Variants in BAG5 observed in about 807,000 individuals in gnomAD.
BAG5 encodes BAG family molecular chaperone regulator 5.
BAG5 carries 25 observed loss-of-function variants against 31.8 expected under a neutral mutation model. The ratio of observed to expected loss-of-function variants is 0.79; its 90% CI spans 0.57 to 1.10. The LOEUF is 1.10. Among genes scored for constraint, BAG5 ranks in the 50% least tolerant of loss-of-function variants. The probability of loss-of-function intolerance (pLI) is 0.00; values close to 1 mark genes in which losing one functional copy is unlikely to be tolerated. For missense variants in BAG5, 491 were observed against 527.9 expected, an observed-to-expected ratio of 0.93 and a Z score of 0.68; for synonymous variants, 208 against 205.0, an observed-to-expected ratio of 1.01 and a Z score of -0.13.
In BAG5 at chr14:103,558,865, T is replaced by G. The variant is rs1404626750; in HGVS notation, c.*956A>C. 1 of 152,220 alleles carries G rather than the reference T, an allele frequency of 6.6e-6. No individual in the cohort carries two copies. The highest frequency in any genetic ancestry group is 2.4e-5 in the African/African-American group (1 of 41,444). 9.4% of individuals were successfully genotyped at this position (152,220 alleles called of 1,614,324 possible). ...GCACCGGGGAGGTGTGACAAGGCTG[T>G]CCATTTTACAGCCTTGGACAACAGA... On this transcript the variant is annotated 3_prime_UTR_variant, in exon 2 of 2. Transcript: ENST00000299204.
intron 1 of BAG5, among the ~76,000 whole-genome samples, chr14:103,561,420 G>T (rs561324521): frequency 6.6e-6 from 1 of 152,054 alleles, no homozygotes; most frequent in African/African-American, 2.4e-5. Context: ...GGTCTCAGAC[G>T]ATCCGCCCGC....
rs1023256944 is a variant in BAG5 at position 103,559,497 on chromosome 14, A to C, written c.*324T>G. On this transcript the variant is annotated 3_prime_UTR_variant, in exon 2 of 2. Transcript: ENST00000299204. ...GTTATGCCTAGTTCTAGATTCTGAA[A>C]GACCTGCATTTTAATGCTTGCACAA... 3 of 244,144 alleles carry C rather than the reference A, an allele frequency of 1.2e-5. No homozygotes were observed. The highest frequency in any genetic ancestry group is 2.4e-5 in the Non-Finnish European group (3 of 124,692). 15.1% of individuals were successfully genotyped at this position (244,144 alleles called of 1,614,324 possible).
rs1024316108 is a variant in BAG5 at position 103,558,483 on chromosome 14, T to A, written c.*1338A>T. On this transcript the variant is annotated 3_prime_UTR_variant, in exon 2 of 2. Coordinates refer to ENST00000299204, the MANE Select transcript of BAG5 (RefSeq NM_001015048.3). ...CCGGGGGAGGAGTCTGTTATAACAC[T>A]CGGACCCACATGTTCTCAAGGCACT... 6.6e-6 allele frequency: 1 copy of A among 152,224 alleles called. No homozygotes were observed. Among genetic ancestry groups the A allele is most frequent in the African/African-American group, 2.4e-5 (1 of 41,454 alleles). 9.4% of individuals were successfully genotyped at this position (152,224 alleles called of 1,614,324 possible).
At position 103,560,985 on chromosome 14, in the gene BAG5, T is replaced by C. The variant is rs1566973245; in HGVS notation, c.180A>G (p.Gly60=). Residue 60 remains glycine (G), a synonymous_variant, in exon 2 of 2, where the codon GGA becomes GGG. Transcript: ENST00000299204. Reference sequence around the variant, plus strand: ...TCCTAGCTTGCTGAATATCTCCTTTTCCTTCAGTATCTACAGAGTCTATTT... The same window carrying C: ...TCCTAGCTTGCTGAATATCTCCTTTCCCTTCAGTATCTACAGAGTCTATTT... ...LFEIDSVDTE[G]KGDIQQARKR... is the part of the protein sequence containing the mutation. 9 of 1,614,192 alleles carry C rather than the reference T, an allele frequency of 5.6e-6. No homozygotes were observed. The highest frequency in any genetic ancestry group is 7.6e-6 in the Non-Finnish European group (9 of 1,180,048).
chr14:103,560,632 T>C lies in BAG5; in HGVS notation c.533A>G (p.Asp178Gly). ...GATTTTGGCAACGGAAGGATGTGCA[T>C]CCTCGGAAAGCGGCAGGGAAGGCTG... ...KKQPSLPLSE[D>G]AHPSVAKINF... The change falls in exon 2 of 2, where the codon GAT becomes GGT. Residue 178 changes from aspartate to glycine, a missense_variant. Transcript: ENST00000299204. 1 of 1,614,208 alleles carries C rather than the reference T, an allele frequency of 6.2e-7. No homozygotes were observed. Among genetic ancestry groups the C allele is most frequent in the Non-Finnish European group, 8.5e-7 (1 of 1,180,048 alleles).
chr14:103,557,070 T>C lies in BAG5; in HGVS notation c.*2751A>G, dbSNP rs1447624879. On this transcript the variant is annotated 3_prime_UTR_variant, in exon 2 of 2. Transcript: ENST00000299204. The stretch of plus-strand genomic sequence containing the variant: ...TGATCTGAAAGCAACGCTGACTGAA[T>C]GTAAATAAAGCAAACGTTCCCAGCC... 2 of 152,374 alleles carry C rather than the reference T, an allele frequency of 1.3e-5. No individual in the cohort carries two copies. Among genetic ancestry groups the C allele is most frequent in the East Asian group, 3.8e-4 (2 of 5,196 alleles). The allele number at this position is 152,374 out of a possible 1,614,324, so 9.4% of individuals were successfully genotyped here. A position where few individuals can be genotyped will look rare whatever the true frequency, so the allele number is the denominator to read the frequency against.
In BAG5 at chr14:103,560,781, T is replaced by C. The variant is rs749789273; in HGVS notation, c.384A>G (p.Gln128=). ...CVTDEFEEGI[Q]DIILRLTHVK... is the part of the protein sequence containing the mutation. The stretch of plus-strand genomic sequence containing the variant: ...CATGTGTCAGCCTCAGAATGATATC[T>C]TGGATGCCTTCTTCAAACTCATCAG... The change falls in exon 2 of 2, where the codon CAA becomes CAG. Residue 128 remains glutamine, a synonymous_variant. Coordinates refer to ENST00000299204, the MANE Select transcript of BAG5 (RefSeq NM_001015048.3). The C allele has an allele frequency of 2.5e-6, 4 of 1,614,142 alleles. No individual in the cohort carries two copies. Among genetic ancestry groups the C allele is most frequent in the Admixed American group, 3.3e-5 (2 of 59,978 alleles).
chr14:103,559,526 A>G lies in BAG5; in HGVS notation c.*295T>C. 3.2e-6 allele frequency: 1 copy of G among 312,244 alleles called. No individual in the cohort carries two copies. The highest frequency in any genetic ancestry group is 4.7e-5 in the Admixed American group (1 of 21,472). The allele number at this position is 312,244 out of a possible 1,614,324, so 19.3% of individuals were successfully genotyped here. On this transcript the variant is annotated 3_prime_UTR_variant, in exon 2 of 2. Transcript: ENST00000299204. Reference sequence around the variant, plus strand: ...CTGCATTTTAATGCTTGCACAACCCATTTAAAATCTACAAAAGCTGCCTCT... The same window carrying G: ...CTGCATTTTAATGCTTGCACAACCCGTTTAAAATCTACAAAAGCTGCCTCT...
rs1162565814 is a variant in BAG5 at position 103,559,818 on chromosome 14, A to G, written c.*3T>C. 1 of 1,609,338 alleles carries G rather than the reference A, an allele frequency of 6.2e-7. No homozygotes were observed. The highest frequency in any genetic ancestry group is 8.5e-7 in the Non-Finnish European group (1 of 1,176,742). On this transcript the variant is annotated 3_prime_UTR_variant, in exon 2 of 2. Coordinates refer to ENST00000299204, the MANE Select transcript of BAG5 (RefSeq NM_001015048.3). ...CAGTATCAAAAGTGAGATCTCTGGTATTTCAGTACTCCCATTCATCAGATT... is the reference window on the plus strand; with the variant it reads ...CAGTATCAAAAGTGAGATCTCTGGTGTTTCAGTACTCCCATTCATCAGATT...
At position 103,559,799 on chromosome 14, in the gene BAG5, CA is replaced by C; in HGVS notation, c.*21del. 6.2e-7 allele frequency: 1 copy of C among 1,604,246 alleles called. No homozygotes were observed. The highest frequency in any genetic ancestry group is 8.5e-7 in the Non-Finnish European group (1 of 1,174,652). On this transcript the variant is annotated 3_prime_UTR_variant, in exon 2 of 2. Coordinates refer to ENST00000299204, the MANE Select transcript of BAG5 (RefSeq NM_001015048.3). The stretch of plus-strand genomic sequence containing the variant: ...GCACATATGAAGTGCAAAACAGTAT[CA>C]AAAGTGAGATCTCTGGTATTTCAGT...
Position 103,559,379 on chromosome 14 carries a change from A to C in BAG5, c.*442T>G, listed in dbSNP as rs1427374411. Reference sequence around the variant, plus strand: ...GAAAAAAAAGCCTTCTATCGAGCATAATGAAACAGAACATGTACTGCTTGT... The same window carrying C: ...GAAAAAAAAGCCTTCTATCGAGCATCATGAAACAGAACATGTACTGCTTGT... On this transcript the variant is annotated 3_prime_UTR_variant, in exon 2 of 2. Transcript: ENST00000299204. The C allele has an allele frequency of 1.3e-5, 2 of 159,166 alleles. No individual in the cohort carries two copies. The highest frequency in any genetic ancestry group is 3.6e-4 in the East Asian group (2 of 5,500). The allele number at this position is 159,166 out of a possible 1,614,324, so 9.9% of individuals were successfully genotyped here.
At chr14:103,561,935 G>A (rs1054859160) in intron 1 of BAG5, 2 of 1,612,794 alleles carry the variant, frequency 1.2e-6, no homozygotes, top group African/African-American at 1.3e-5. Flanking sequence ...GTCCACAATG[G>A]CCTAATGCAC....
At position 103,556,930 on chromosome 14, in the gene BAG5, T is replaced by C. The variant is rs2076042365; in HGVS notation, c.*2891A>G. 1 of 152,238 alleles carries C rather than the reference T, an allele frequency of 6.6e-6. No homozygotes were observed. The highest frequency in any genetic ancestry group is 2.1e-4 in the South Asian group (1 of 4,838). The allele number at this position is 152,238 out of a possible 1,614,324, so 9.4% of individuals were successfully genotyped here. A position where few individuals can be genotyped will look rare whatever the true frequency, so the allele number is the denominator to read the frequency against. On this transcript the variant is annotated 3_prime_UTR_variant, in exon 2 of 2. Transcript: ENST00000299204. ...TTCTCAAACTAAATTATATCAAATA[T>C]ATGTGCATTTTAGCAAAATAAACCA...
At chr14:103,561,886 G>GT in intron 1 of BAG5, 1 of 1,535,040 alleles carries the variant, frequency 6.5e-7, no homozygotes. Context: ...CGAAAACGTG[G>GT]TAACTATGAA....
chr14:103,562,109 G>T (rs530175226), intron 1 of BAG5: 2 of 799,370 alleles, frequency 2.5e-6, no homozygotes, highest in Non-Finnish European at 4.4e-6. Context: ...CCCAAAAGAA[G>T]TCTGAATTGG....
At chr14:103,562,040 G>A (rs1161545314) in intron 1 of BAG5, 22 of 1,499,346 alleles carry the variant, frequency 1.5e-5, no homozygotes, top group Non-Finnish European at 2.0e-5. Flanking sequence ...TGGAGGCCAC[G>A]GAGGGAAGGC....
rs957894521 is a variant in BAG5, at chr14:103,558,500, C to G, written c.*1321G>C. ...TATAACACTCGGACCCACATGTTCT[C>G]AAGGCACTTCAGAACTTTGGGAAAT... On this transcript the variant is annotated 3_prime_UTR_variant, in exon 2 of 2. Transcript: ENST00000299204. The G allele has an allele frequency of 2.6e-5, 4 of 152,232 alleles. No homozygotes were observed. The highest frequency in any genetic ancestry group is 9.6e-5 in the African/African-American group (4 of 41,458). The allele number at this position is 152,232 out of a possible 1,614,324, so 9.4% of individuals were successfully genotyped here. A position where few individuals can be genotyped will look rare whatever the true frequency, so the allele number is the denominator to read the frequency against.
intron 1 of BAG5, chr14:103,561,805 C>G: frequency 1.3e-6 from 1 of 780,846 alleles, no homozygotes; most frequent in South Asian, 1.5e-5. Flanking sequence ...AAGGGCACCA[C>G]CTTGGGCTTT....
In BAG5 at chr14:103,561,166, CT is replaced by C; in HGVS notation, c.-3del. On this transcript the variant is annotated 5_prime_UTR_variant, in exon 2 of 2. Transcript: ENST00000299204. ...AGGATGTTGGTTTCCCATATCCATA[CT>C]TTTGTTGTGTTCAGTTTCACAAGCA... is the stretch of plus-strand genomic sequence containing the variant. 1 of 1,595,622 alleles carries C rather than the reference CT, an allele frequency of 6.3e-7. No individual in the cohort carries two copies. Among genetic ancestry groups the C allele is most frequent in the Non-Finnish European group, 8.5e-7 (1 of 1,178,302 alleles).
Sources: gnomAD v4.1 joint callset for allele counts (sites outside exome capture counted in the v4.1 genomes callset) on GRCh38, gnomAD v4.1.1 for gene constraint, MANE v1.5 for transcripts, NCBI Gene and HGNC (gene_info 2026-07-23, HGNC 2026-07-21) for gene names.